The following ITCH variants were observed in gnomAD, a reference collection of about 807,000 sequenced individuals.
ITCH encodes E3 ubiquitin-protein ligase Itchy homolog.
Under a neutral mutation model 126.8 loss-of-function variants are expected in ITCH, and 28 were observed. The ratio of observed to expected loss-of-function variants is 0.22; its 90% confidence interval spans 0.16 to 0.30. The LOEUF is 0.30. Among genes scored for constraint, ITCH ranks in the 10% least tolerant of loss-of-function variants. The probability of loss-of-function intolerance (pLI) is 1.00; values close to 1 mark genes in which losing one functional copy is unlikely to be tolerated. For missense variants in ITCH, 631 were observed against 1,032.4 expected (o/e 0.61, Z 5.33); for synonymous variants, 342 against 340.0 (o/e 1.01, Z -0.06).
chr20:34,417,177 A>G (rs1979997157), intron 6 of ITCH: 1 of 684,078 alleles, frequency 1.5e-6, no homozygotes, highest in Non-Finnish European at 2.7e-6. Context: ...GCTCACTGCA[A>G]CCTCTGCCTC....
intron 7 of ITCH, among the ~76,000 whole-genome samples, chr20:34,435,516 T>G (rs1162810728): frequency 6.6e-6 from 1 of 152,142 alleles, no homozygotes; most frequent in East Asian, 1.9e-4. Flanking sequence ...TTGTCTTTAA[T>G]AATTGGTAGT....
chr20:34,448,361 C>G (rs571310096), intron 11 of ITCH, among the ~76,000 whole-genome samples: 28 of 151,918 alleles, frequency 1.8e-4, no homozygotes, highest in Admixed American at 1.8e-3. Context: ...CCACTGTACT[C>G]CAGCCTGGGC....
rs1216214131 is a variant in ITCH at position 34,507,275 on chromosome 20, T to TG, written c.2490-420_2490-419insG. Among the ~76,000 whole-genome samples the TG allele has an allele frequency of 2.1e-4, 18 of 85,044 alleles. 1 individual carries two copies. The highest frequency in any genetic ancestry group is 3.8e-4 in the Non-Finnish European group (14 of 36,406). The allele number at this position is 85,044 out of a possible 152,430, so 55.8% of individuals were successfully genotyped here. A position where few individuals can be genotyped will look rare whatever the true frequency, so the allele number is the denominator to read the frequency against. ...CTTGTTTTCTTCTGTTTTTTTTTTTTTTTTTTTTTTTTTTGGTTGTTGTTG... is the reference window on the plus strand; with the variant it reads ...CTTGTTTTCTTCTGTTTTTTTTTTTTGTTTTTTTTTTTTTTGGTTGTTGTTG... On this transcript the variant is annotated intron_variant, in intron 24 of 24. Transcript: ENST00000374864.
intron 2 of ITCH, among the ~76,000 whole-genome samples, chr20:34,372,032 C>T (rs538500362): frequency 1.3e-4 from 20 of 152,112 alleles, no homozygotes; most frequent in African/African-American, 4.1e-4. Flanking sequence ...TTCGGCCGGC[C>T]GCGGTGGCTC....
chr20:34,449,335 A>G, intron 11 of ITCH, 76 bp from the exon 12 acceptor site: 2 of 852,670 alleles, frequency 2.3e-6, no homozygotes, highest in Non-Finnish European at 4.0e-6. Context: ...AGGGAAGGGA[A>G]ATCAGAACTC....
chr20:34,486,660 A>AT (rs1555884433), intron 20 of ITCH, among the ~76,000 whole-genome samples: 10 of 123,550 alleles, frequency 8.1e-5, no homozygotes, highest in South Asian at 7.7e-4. Context: ...TCACTATTTT[A>AT]TTTATTTTAT....
intron 10 of ITCH, among the ~76,000 whole-genome samples, chr20:34,442,557 C>T (rs1036896920): frequency 2.6e-5 from 4 of 152,052 alleles, no homozygotes; most frequent in East Asian, 1.9e-4. Context: ...CTCGCTATGT[C>T]GCCCAGGCTG....
At chr20:34,476,299 G>A (rs1289137965) in intron 16 of ITCH, 12 of 915,044 alleles carry the variant, frequency 1.3e-5, no homozygotes, top group South Asian at 5.2e-5. Flanking sequence ...GCTGCTCCGC[G>A]CCCCTGCCGA....
rs11480631 is a variant in ITCH, at chr20:34,456,633, C to CAAA, written c.1211-748_1211-746dup. Among the ~76,000 whole-genome samples the CAAA allele has an allele frequency of 1.8e-3, 222 of 126,716 alleles. 2 individuals carry two copies. Among genetic ancestry groups the CAAA allele is most frequent in the East Asian group, 4.4e-3 (19 of 4,278 alleles). 83.1% of individuals were successfully genotyped at this position (126,716 alleles called of 152,430 possible). On this transcript the variant is annotated intron_variant, in intron 12 of 24. Coordinates refer to ENST00000374864, the MANE Select transcript of ITCH (RefSeq NM_031483.7). ...GGGTGACAAAGTGAGACCTTGTCTC[C>CAAA]AAAAAAAAAAATATATATATATATA... is the stretch of plus-strand genomic sequence containing the variant.
At chr20:34,390,414 A>T (rs1281041204) in intron 2 of ITCH, among the ~76,000 whole-genome samples, 1 of 151,316 alleles carries the variant, frequency 6.6e-6, no homozygotes, top group Non-Finnish European at 1.5e-5. Context: ...GTCTTCTGTA[A>T]TACATGGTAT....
At chr20:34,475,668 T>TG (rs1226087263) in intron 16 of ITCH, among the ~76,000 whole-genome samples, 1 of 125,440 alleles carries the variant, frequency 8.0e-6, no homozygotes, top group African/African-American at 3.1e-5. Flanking sequence ...AGCGAGACCG[T>TG]GGGGAGAGGG....
chr20:34,372,406 A>C (rs1466397029), intron 2 of ITCH, among the ~76,000 whole-genome samples: 3 of 30,612 alleles, frequency 9.8e-5, no homozygotes, highest in Non-Finnish European at 1.7e-4. Flanking sequence ...TTTGAGAGGG[A>C]ATCTAACTCT....
chr20:34,466,241 CTT>C (rs1987050950), intron 14 of ITCH: 1 of 385,082 alleles, frequency 2.6e-6, no homozygotes, highest in Non-Finnish European at 5.2e-6. Context: ...TAGGTTGAAC[CTT>C]TTTTGCATTC....
intron 18 of ITCH, among the ~76,000 whole-genome samples, chr20:34,480,257 G>C (rs1443476891): frequency 6.6e-6 from 1 of 151,754 alleles, no homozygotes; most frequent in Non-Finnish European, 1.5e-5. Context: ...GAGTGCAATG[G>C]CGTGATCTCG....
chr20:34,476,769 A>G (rs556304593), intron 16 of ITCH: 7 of 177,956 alleles, frequency 3.9e-5, no homozygotes, highest in East Asian at 1.5e-4. Flanking sequence ...TTATCACTCA[A>G]TAAAGTATAG....
intron 7 of ITCH, among the ~76,000 whole-genome samples, chr20:34,434,463 G>A (rs1872903939): frequency 6.6e-6 from 1 of 152,166 alleles, no homozygotes; most frequent in African/African-American, 2.4e-5. Flanking sequence ...AAGACAAAAG[G>A]TCTATAAGAA....
At chr20:34,449,560 T>C (rs1401325869) in intron 12 of ITCH, 80 bp downstream of exon 12, 7 of 963,234 alleles carry the variant, frequency 7.3e-6, no homozygotes, top group Admixed American at 1.8e-5. Flanking sequence ...AAAACAGATA[T>C]TTATGTCTGA....
chr20:34,471,975 T>TA (rs1444911943), intron 16 of ITCH, among the ~76,000 whole-genome samples: 1 of 152,194 alleles, frequency 6.6e-6, no homozygotes, highest in African/African-American at 2.4e-5. Flanking sequence ...AAGCGTATGT[T>TA]ACTCTTAACA....
intron 8 of ITCH, 90 bp from the exon 9 acceptor site, chr20:34,440,065 C>T (rs1265091312): frequency 1.1e-6 from 1 of 897,844 alleles, no homozygotes; most frequent in Non-Finnish European, 1.8e-6. Context: ...TTATATTTAT[C>T]ATCTGCCTTT....
Sources: gnomAD v4.1 joint callset for allele counts (sites outside exome capture counted in the v4.1 genomes callset) on GRCh38, gnomAD v4.1.1 for gene constraint, MANE v1.5 for transcripts, NCBI Gene and HGNC (gene_info 2026-07-23, HGNC 2026-07-21) for gene names.